AHCYL2: variants seen among roughly 807,000 people sequenced by gnomAD.
AHCYL2 encodes S-adenosylhomocysteine hydrolase-like protein 2.
A neutral mutation model predicts 81.4 loss-of-function variants in AHCYL2; 28 were observed. The observed-to-expected ratio is 0.34, with a 90% CI of 0.25 to 0.47. The LOEUF (loss-of-function observed/expected upper bound fraction) is 0.47. AHCYL2 is among the 20% of genes least tolerant of loss of function. The pLI, the probability that AHCYL2 is intolerant of heterozygous loss-of-function variation, is 1.00. For missense variants in AHCYL2, 551 were observed against 785.1 expected (o/e 0.70, Z 3.56); for synonymous variants, 272 against 290.2 (o/e 0.94, Z 0.64).
intron 1 of AHCYL2, among the ~76,000 whole-genome samples, chr7:129,258,554 T>A (rs968306588): frequency 1.1e-5 from 1 of 88,844 alleles, no homozygotes; most frequent in Non-Finnish European, 2.2e-5. Context: ...TTATTTATCT[T>A]GCTTTTTTTT....
At chr7:129,397,953 T>C (rs530821920) in intron 5 of AHCYL2, among the ~76,000 whole-genome samples, 1 of 152,370 alleles carries the variant, frequency 6.6e-6, no homozygotes, top group Admixed American at 6.5e-5. Context: ...TAATACTTTA[T>C]TAATACAAAT....
intron 1 of AHCYL2, among the ~76,000 whole-genome samples, chr7:129,350,357 AT>A (rs1429503294): frequency 6.6e-6 from 1 of 152,056 alleles, no homozygotes; most frequent in East Asian, 1.9e-4. Flanking sequence ...AGTATTTGGA[AT>A]GTAGAAAGCA....
intron 1 of AHCYL2, among the ~76,000 whole-genome samples, chr7:129,339,018 T>TG (rs1311495226): frequency 6.6e-6 from 1 of 152,244 alleles, no homozygotes; most frequent in Non-Finnish European, 1.5e-5. Context: ...ACTTTCAACT[T>TG]GCTCCTTTCC....
intron 2 of AHCYL2, 155 bp from the exon 3 acceptor site, chr7:129,388,901 C>T: frequency 1.5e-6 from 1 of 689,278 alleles, no homozygotes; most frequent in Non-Finnish European, 2.3e-6. Context: ...TTCAGCTTCC[C>T]TCTTCTGGCA....
intron 1 of AHCYL2, among the ~76,000 whole-genome samples, chr7:129,359,403 TTTC>T (rs1793854564): frequency 6.6e-6 from 1 of 152,206 alleles, no homozygotes; most frequent in African/African-American, 2.4e-5. Context: ...AATGTTCTAG[TTTC>T]TTATCTGTGT....
chr7:129,400,961 T>A (rs2150929103), intron 6 of AHCYL2, among the ~76,000 whole-genome samples: 1 of 152,308 alleles, frequency 6.6e-6, no homozygotes, highest in Middle Eastern at 3.4e-3. Context: ...TTTGCTTCAT[T>A]TTTATTTTTG....
intron 1 of AHCYL2, among the ~76,000 whole-genome samples, chr7:129,298,543 G>A (rs1797134142): frequency 6.6e-6 from 1 of 152,152 alleles, no homozygotes; most frequent in Non-Finnish European, 1.5e-5. Context: ...AAAGTACTTA[G>A]GCAGGGTTGT....
chr7:129,425,426 A>G (rs549681819), intron 15 of AHCYL2, among the ~76,000 whole-genome samples: 1 of 151,952 alleles, frequency 6.6e-6, no homozygotes, highest in South Asian at 2.1e-4. Flanking sequence ...ATCTCAAAGG[A>G]GAAAAAAAAA....
At chr7:129,399,141 CAAA>C (rs71162600) in intron 5 of AHCYL2, among the ~76,000 whole-genome samples, 5 of 44,954 alleles carry the variant, frequency 1.1e-4, no homozygotes, top group Admixed American at 3.7e-4. Flanking sequence ...GACTCCATCT[CAAA>C]AAAAAAAAAA....
At chr7:129,315,640 G>C (rs1487847320) in intron 1 of AHCYL2, among the ~76,000 whole-genome samples, 2 of 152,210 alleles carry the variant, frequency 1.3e-5, no homozygotes, top group Non-Finnish European at 2.9e-5. Context: ...GAGGGCAAAA[G>C]CTATGTATTT....
chr7:129,340,019 C>T (rs1285978818), intron 1 of AHCYL2, among the ~76,000 whole-genome samples: 2 of 146,606 alleles, frequency 1.4e-5, no homozygotes, highest in African/African-American at 5.0e-5. Context: ...CCCGGGTTCA[C>T]GCCATTCTTC....
In AHCYL2 at chr7:129,403,638, C is replaced by T. The variant is rs576579864; in HGVS notation, c.1025+153C>T. Among the ~76,000 whole-genome samples, 90 of 151,760 alleles carry T rather than the reference C, an allele frequency of 5.9e-4. 2 individuals are homozygous for T. The South Asian group carries it at 0.017, about 29-fold the overall frequency. Reference sequence around the variant, plus strand: ...CAGCACTTTGGGAGGCTGAGGTGGGCGGATCACGAGGTCAGGAGATCAAGA... The same window carrying T: ...CAGCACTTTGGGAGGCTGAGGTGGGTGGATCACGAGGTCAGGAGATCAAGA... On this transcript the variant is annotated intron_variant, in intron 7 of 16. Coordinates refer to ENST00000325006, the MANE Select transcript of AHCYL2 (RefSeq NM_015328.4).
chr7:129,234,411 A>C (rs1471881311), intron 1 of AHCYL2, among the ~76,000 whole-genome samples: 1 of 151,842 alleles, frequency 6.6e-6, no homozygotes, highest in Non-Finnish European at 1.5e-5. Context: ...TGCCTGGCTA[A>C]TTTTTGTATT....
At chr7:129,357,736 C>T (rs1368106767) in intron 1 of AHCYL2, among the ~76,000 whole-genome samples, 2 of 151,932 alleles carry the variant, frequency 1.3e-5, no homozygotes, top group African/African-American at 4.8e-5. Context: ...AGATCGAGAC[C>T]ATGCTGGCTA....
intron 10 of AHCYL2, among the ~76,000 whole-genome samples, 180 bp from the exon 11 acceptor site, chr7:129,409,296 C>T (rs1448093567): frequency 6.6e-6 from 1 of 152,184 alleles, no homozygotes; most frequent in Non-Finnish European, 1.5e-5. Context: ...TTCCGTGATG[C>T]AAACGAACCT....
intron 1 of AHCYL2, among the ~76,000 whole-genome samples, chr7:129,267,230 G>GGTGTGTGTGTGTGTATGTGTGTGT (rs1554472002): frequency 1.8e-3 from 109 of 59,208 alleles, no homozygotes; most frequent in African/African-American, 4.5e-3. Flanking sequence ...TCACTCAAGG[G>GGTGTGTGTGTGTGTATGTGTGTGT]GTGTGTGTGT....
intron 1 of AHCYL2, among the ~76,000 whole-genome samples, chr7:129,374,145 A>G (rs1024168305): frequency 6.6e-6 from 1 of 152,194 alleles, no homozygotes; most frequent in Admixed American, 6.5e-5. Context: ...ATTTAAAGAT[A>G]AAAGGAATGA....
chr7:129,237,545 C>T (rs918003207), intron 1 of AHCYL2, among the ~76,000 whole-genome samples: 4 of 88,210 alleles, frequency 4.5e-5, no homozygotes, highest in African/African-American at 7.0e-5. Context: ...GAAATACTTG[C>T]TATTTTAGCG....
At chr7:129,308,888 C>G (rs1328497547) in intron 1 of AHCYL2, among the ~76,000 whole-genome samples, 1 of 152,050 alleles carries the variant, frequency 6.6e-6, no homozygotes, top group Admixed American at 6.5e-5. Flanking sequence ...TGTGGTGGTT[C>G]TTAGTCTATT....
Sources: allele counts gnomAD v4.1 joint callset (sites outside exome capture counted in the v4.1 genomes callset), GRCh38; gene constraint gnomAD v4.1.1; transcripts MANE v1.5; gene names NCBI Gene and HGNC (gene_info 2026-07-23, HGNC 2026-07-21).